The following CTNNA2 variants were observed in gnomAD, a reference collection of about 807,000 sequenced individuals.
CTNNA2 encodes the protein catenin alpha 2, also known as catenin alpha-2.
In CTNNA2, 42 loss-of-function variants were observed where a neutral mutation model predicts 101.0. That is an observed-to-expected ratio of 0.42 (90% CI 0.32 to 0.54). The LOEUF is 0.54. Among genes scored for constraint, CTNNA2 ranks in the 20% least tolerant of loss-of-function variants. CTNNA2 has a pLI of 0.14. For synonymous variants in CTNNA2, 450 were observed against 456.4 expected (o/e 0.99, Z 0.18); for missense variants, 871 against 1,223.1 (o/e 0.71, Z 4.29).
intron 7 of CTNNA2, among the ~76,000 whole-genome samples, chr2:80,087,683 A>G (rs1181236959): frequency 6.6e-6 from 1 of 152,076 alleles, no homozygotes; most frequent in African/African-American, 2.4e-5. Flanking sequence ...TCACCTGGGC[A>G]TCTTATTAAA....
intron 6 of CTNNA2, among the ~76,000 whole-genome samples, chr2:79,906,288 C>T (rs1486863950): frequency 4.0e-5 from 6 of 150,384 alleles, no homozygotes; most frequent in Admixed American, 2.0e-4. Context: ...CCATCTCATC[C>T]GGGATACACA....
intron 4 of CTNNA2, among the ~76,000 whole-genome samples, chr2:79,382,774 C>T (rs567348609): frequency 1.2e-3 from 189 of 152,178 alleles, no homozygotes; most frequent in Non-Finnish European, 1.9e-3. Flanking sequence ...ACACCACGCC[C>T]GGCTAATTTT....
chr2:80,194,837 A>ATG (rs891686597), intron 7 of CTNNA2, among the ~76,000 whole-genome samples: 12 of 150,564 alleles, frequency 8.0e-5, no homozygotes, highest in African/African-American at 2.7e-4. Context: ...ACATTTATGT[A>ATG]TGTGTGTGTG....
At chr2:80,171,316 G>GT (rs1705038186) in intron 7 of CTNNA2, among the ~76,000 whole-genome samples, 1 of 152,210 alleles carries the variant, frequency 6.6e-6, no homozygotes, top group Non-Finnish European at 1.5e-5. Context: ...TGATCTTCTG[G>GT]TTTGTGCATG....
chr2:79,411,606 A>C (rs1292477025), intron 4 of CTNNA2, among the ~76,000 whole-genome samples: 1 of 152,108 alleles, frequency 6.6e-6, no homozygotes, highest in Non-Finnish European at 1.5e-5. Flanking sequence ...TTCTTAAAGA[A>C]AAGAATTTTC....
At chr2:79,243,532 G>A (rs1449749719) in intron 2 of CTNNA2, among the ~76,000 whole-genome samples, 1 of 152,162 alleles carries the variant, frequency 6.6e-6, no homozygotes. Context: ...AGCTTGTTAA[G>A]CCCCTTCCAC....
chr2:79,632,395 G>C (rs769147984), intron 1 of CTNNA2, among the ~76,000 whole-genome samples: 7 of 151,802 alleles, frequency 4.6e-5, no homozygotes, highest in Non-Finnish European at 8.8e-5. Context: ...AAATTTTAAT[G>C]AAAAAAAATC....
At chr2:80,305,149 G>A in intron 7 of CTNNA2, 4 of 985,370 alleles carry the variant, frequency 4.1e-6, no homozygotes, top group Non-Finnish European at 4.8e-6. Flanking sequence ...ACACAGGAAG[G>A]CAATGATTTG....
At chr2:80,443,885 C>A (rs1412577074) in intron 9 of CTNNA2, among the ~76,000 whole-genome samples, 2 of 152,148 alleles carry the variant, frequency 1.3e-5, no homozygotes, top group Admixed American at 6.5e-5. Context: ...ATTTCCTGTG[C>A]CCTAGAGACC....
intron 3 of CTNNA2, among the ~76,000 whole-genome samples, chr2:79,753,725 C>T (rs1419032419): frequency 6.6e-6 from 1 of 152,174 alleles, no homozygotes; most frequent in Non-Finnish European, 1.5e-5. Context: ...GAAGAAGCTT[C>T]TTCATGGGAC....
chr2:80,209,575 C>CAT, intron 7 of CTNNA2, among the ~76,000 whole-genome samples: 1 of 151,874 alleles, frequency 6.6e-6, no homozygotes, highest in East Asian at 1.9e-4. Flanking sequence ...ACATTTTTGT[C>CAT]ATAGCCCACT....
At chr2:79,352,310 T>G (rs1677408742) in intron 3 of CTNNA2, among the ~76,000 whole-genome samples, 1 of 152,174 alleles carries the variant, frequency 6.6e-6, no homozygotes, top group Non-Finnish European at 1.5e-5. Flanking sequence ...GGTTCAATCT[T>G]GAGAGATTGT....
rs1553384551 is a variant in CTNNA2 at position 80,553,237 on chromosome 2, A to AAT, written c.1541-2455_1541-2454insTA. On this transcript the variant is annotated intron_variant, in intron 11 of 18. Transcript: ENST00000402739. The stretch of plus-strand genomic sequence containing the variant: ...AGACTCCGTCTCAAAAAAAAAAATA[A>AAT]AATAAAATAAAATAAAATTAGTCAA... 4.7e-5 allele frequency among the ~76,000 whole-genome samples: 7 copies of AAT among 147,500 alleles called. No homozygotes were observed. The East Asian group carries it at 8.7e-4, about 18-fold the overall frequency.
intron 4 of CTNNA2, among the ~76,000 whole-genome samples, chr2:79,426,765 T>G (rs1050506230): frequency 6.6e-6 from 1 of 152,158 alleles, no homozygotes; most frequent in Admixed American, 6.6e-5. Flanking sequence ...GGTCTATATC[T>G]TCTGTAATTT....
intron 18 of CTNNA2, among the ~76,000 whole-genome samples, chr2:80,628,276 A>T (rs1671898381): frequency 6.6e-6 from 1 of 152,044 alleles, no homozygotes; most frequent in African/African-American, 2.4e-5. Flanking sequence ...TTTAAATTTC[A>T]TGTGGAACCA....
intron 7 of CTNNA2, among the ~76,000 whole-genome samples, chr2:79,922,809 C>T (rs191315344): frequency 3.3e-5 from 5 of 152,200 alleles, no homozygotes; most frequent in Admixed American, 3.3e-4. Flanking sequence ...TTAGATACAA[C>T]TAAAATTGGA....
chr2:80,232,678 A>T (rs1486436046), intron 7 of CTNNA2, among the ~76,000 whole-genome samples: 1 of 152,124 alleles, frequency 6.6e-6, no homozygotes, highest in Non-Finnish European at 1.5e-5. Context: ...ACAGTCTTGG[A>T]GTCCAAAGCA....
At position 80,090,584 on chromosome 2, in the gene CTNNA2, T is replaced by C. The variant is rs117203163; in HGVS notation, c.1056+180787T>C. On this transcript the variant is annotated intron_variant, in intron 7 of 18. Transcript: ENST00000402739. The stretch of plus-strand genomic sequence containing the variant: ...GCTCTTTCCAAATTGAGTTAGGATG[T>C]GTGTTCAGTTCTTGAACCTCATCTT... Among the ~76,000 whole-genome samples, 394 of 152,220 alleles carry C rather than the reference T, an allele frequency of 2.6e-3. 7 individuals carry two copies. In the East Asian group the frequency reaches 0.031, roughly 12 times the overall value.
chr2:80,585,370 G>C (rs1215250452), intron 14 of CTNNA2, among the ~76,000 whole-genome samples: 4 of 152,070 alleles, frequency 2.6e-5, no homozygotes, highest in African/African-American at 9.7e-5. Context: ...TGGGGTAGGG[G>C]GAAGGAATCC....
Sources: gnomAD v4.1 joint callset for allele counts (sites outside exome capture counted in the v4.1 genomes callset) on GRCh38, gnomAD v4.1.1 for gene constraint, MANE v1.5 for transcripts, NCBI Gene and HGNC (gene_info 2026-07-23, HGNC 2026-07-21) for gene names.